ANK3: variants seen among roughly 807,000 people sequenced by gnomAD.
ANK3 encodes ankyrin 3.
In ANK3, 57 loss-of-function variants were observed where a neutral mutation model predicts 370.9. The observed-to-expected ratio is 0.15, with a 90% CI of 0.12 to 0.19. The LOEUF is 0.19. Ranked by LOEUF, ANK3 falls within the 10% of genes least tolerant of loss-of-function variation. The pLI is 1.00. For synonymous variants in ANK3, 1,929 were observed against 1,946.3 expected (o/e 0.99, Z 0.23); for missense variants, 4,439 against 5,302.1 (o/e 0.84, Z 5.06).
intron 23 of ANK3, among the ~76,000 whole-genome samples, chr10:60,164,267 T>C (rs1232370654): frequency 6.6e-6 from 1 of 152,174 alleles, no homozygotes; most frequent in Non-Finnish European, 1.5e-5. Flanking sequence ...CTAATATGAC[T>C]TGAATTAAAA....
intron 4 of ANK3, among the ~76,000 whole-genome samples, chr10:60,277,527 A>G (rs1421645367): frequency 6.6e-6 from 1 of 152,212 alleles, no homozygotes; most frequent in Non-Finnish European, 1.5e-5. Flanking sequence ...CATAAGCAAA[A>G]AAGACCATCT....
intron 2 of ANK3, among the ~76,000 whole-genome samples, chr10:60,474,403 C>A (rs1353780209): frequency 6.6e-6 from 1 of 152,130 alleles, no homozygotes; most frequent in African/African-American, 2.4e-5. Flanking sequence ...TGAAGTCACT[C>A]TGAAGAGAAG....
At chr10:60,363,119 G>A (rs375244631) in intron 1 of ANK3, among the ~76,000 whole-genome samples, 1 of 152,014 alleles carries the variant, frequency 6.6e-6, no homozygotes, top group Non-Finnish European at 1.5e-5. Flanking sequence ...ACAACATGCA[G>A]TTCTGGCCAG....
chr10:60,293,740 G>A (rs567617030), intron 1 of ANK3, among the ~76,000 whole-genome samples: 11 of 152,168 alleles, frequency 7.2e-5, no homozygotes, highest in Non-Finnish European at 1.6e-4. Flanking sequence ...AGTCTGCGGA[G>A]ATCCTTGTTT....
intron 42 of ANK3, among the ~76,000 whole-genome samples, chr10:60,046,246 T>A (rs189711612): frequency 0.011 from 1,664 of 152,306 alleles, 20 homozygotes; most frequent in Non-Finnish European, 0.017. Flanking sequence ...AAACCCAAAA[T>A]TTTATTTTAA....
At chr10:60,094,554 T>G (rs897744912) in intron 28 of ANK3, among the ~76,000 whole-genome samples, 1 of 152,142 alleles carries the variant, frequency 6.6e-6, no homozygotes, top group Non-Finnish European at 1.5e-5. Flanking sequence ...TTATAAGTTT[T>G]TTCTCTAAGA....
At chr10:60,569,175 G>A (rs763291501) in intron 2 of ANK3, among the ~76,000 whole-genome samples, 4 of 152,024 alleles carry the variant, frequency 2.6e-5, no homozygotes, top group Non-Finnish European at 4.4e-5. Context: ...AATATCAGAG[G>A]GGGCAATATG....
intron 1 of ANK3, among the ~76,000 whole-genome samples, chr10:60,361,611 G>A (rs2058619470): frequency 6.6e-6 from 1 of 152,170 alleles, no homozygotes; most frequent in Non-Finnish European, 1.5e-5. Flanking sequence ...GAACTGGCAG[G>A]AGTTTGTAGT....
chr10:60,187,124 T>A (rs2096358900), intron 16 of ANK3, among the ~76,000 whole-genome samples: 1 of 143,770 alleles, frequency 7.0e-6, no homozygotes, highest in Non-Finnish European at 1.5e-5. Flanking sequence ...TAATTTAATA[T>A]GGACATTTTA....
intron 2 of ANK3, among the ~76,000 whole-genome samples, chr10:60,528,661 C>T (rs1028979767): frequency 4.6e-5 from 7 of 152,170 alleles, no homozygotes; most frequent in African/African-American, 1.4e-4. Flanking sequence ...ACATTTTAGG[C>T]TAGATCATTC....
At chr10:60,112,898 G>A (rs1328075112) in intron 26 of ANK3, among the ~76,000 whole-genome samples, 1 of 152,066 alleles carries the variant, frequency 6.6e-6, no homozygotes, top group Non-Finnish European at 1.5e-5. Flanking sequence ...CCTTGTCCTT[G>A]ATCACAATTA....
intron 2 of ANK3, among the ~76,000 whole-genome samples, chr10:60,578,146 C>T (rs1036456604): frequency 7.2e-5 from 11 of 152,068 alleles, no homozygotes; most frequent in South Asian, 2.1e-4. Context: ...TGTTTTGTTC[C>T]GAGTTTTCTT....
chr10:60,461,947 G>A (rs2064895179), intron 2 of ANK3, among the ~76,000 whole-genome samples: 1 of 152,208 alleles, frequency 6.6e-6, no homozygotes, highest in Non-Finnish European at 1.5e-5. Context: ...GATGCTGAAA[G>A]AGGTAGTCAG....
intron 42 of ANK3, among the ~76,000 whole-genome samples, chr10:60,047,105 C>T (rs2077100770): frequency 6.6e-6 from 1 of 152,166 alleles, no homozygotes. Flanking sequence ...CCGCGCCCGG[C>T]CTCAATGAGG....
At chr10:60,693,646 C>A (rs148103025) in intron 1 of ANK3, among the ~76,000 whole-genome samples, 7,889 of 152,190 alleles carry the variant, frequency 0.052, 285 homozygotes, top group African/African-American at 0.085. Flanking sequence ...GCAGATTGAC[C>A]CCTCACACAG....
At chr10:60,607,991 A>G (rs2078150632) in intron 2 of ANK3, among the ~76,000 whole-genome samples, 2 of 152,144 alleles carry the variant, frequency 1.3e-5, no homozygotes, top group Admixed American at 6.6e-5. Flanking sequence ...GAAATCCTTG[A>G]CGAATTTTTC....
At chr10:60,030,532 T>A (rs2073219124) in intron 43 of ANK3, among the ~76,000 whole-genome samples, 1 of 152,146 alleles carries the variant, frequency 6.6e-6, no homozygotes, top group African/African-American at 2.4e-5. Context: ...CATGCCCAGA[T>A]GAACTAAATA....
chr10:60,575,668 T>C (rs556130751), intron 2 of ANK3, among the ~76,000 whole-genome samples: 1 of 152,142 alleles, frequency 6.6e-6, no homozygotes, highest in East Asian at 1.9e-4. Flanking sequence ...TCTGAAACTG[T>C]GTTAAGGCCA....
intron 2 of ANK3, among the ~76,000 whole-genome samples, chr10:60,496,423 G>A (rs2075657524): frequency 6.6e-6 from 1 of 152,092 alleles, no homozygotes; most frequent in Non-Finnish European, 1.5e-5. Flanking sequence ...CTGAAGATAA[G>A]CTCAAAACAA....
Sources: gnomAD v4.1 joint callset for allele counts (sites outside exome capture counted in the v4.1 genomes callset) on GRCh38, gnomAD v4.1.1 for gene constraint, MANE v1.5 for transcripts, NCBI Gene and HGNC (gene_info 2026-07-23, HGNC 2026-07-21) for gene names.